LCOR: variants seen among roughly 807,000 people sequenced by gnomAD.
The protein encoded by LCOR is ligand dependent nuclear receptor corepressor.
In LCOR, 14 loss-of-function variants were observed where a neutral mutation model predicts 64.4. That is an observed-to-expected ratio of 0.22 (90% CI 0.14 to 0.34). LCOR has a LOEUF of 0.34. Among genes scored for constraint, LCOR ranks in the 10% least tolerant of loss-of-function variants. The pLI, the probability that LCOR is intolerant of heterozygous loss-of-function variation, is 1.00. For missense variants in LCOR, 1,686 were observed against 1,765.3 expected (o/e 0.96, Z 0.80); for synonymous variants, 643 against 642.5 (o/e 1.00, Z -0.01).
intron 4 of LCOR, among the ~76,000 whole-genome samples, chr10:96,942,240 G>A (rs1188731152): frequency 3.1e-3 from 472 of 151,720 alleles, no homozygotes; most frequent in African/African-American, 0.011. Context: ...AGGAGCTGGA[G>A]ACCAGCCCGG....
rs557142569 is a variant in LCOR at position 96,914,051 on chromosome 10, T to TA, written c.-184+6305dup. ...GATATGGTTGGAGCCAGATAATAGA[T>TA]ACCTTTCAGTGCCCAGCTAGCTCAG... On this transcript the variant is annotated intron_variant, in intron 4 of 7. Transcript: ENST00000421806. 4.2e-3 allele frequency among the ~76,000 whole-genome samples: 637 copies of TA among 152,356 alleles called. 3 individuals are homozygous for TA. The highest frequency in any genetic ancestry group is 0.019 in the South Asian group (93 of 4,828).
At chr10:96,899,771 A>G (rs2134444082) in intron 2 of LCOR, among the ~76,000 whole-genome samples, 1 of 152,214 alleles carries the variant, frequency 6.6e-6, no homozygotes, top group African/African-American at 2.4e-5. Context: ...AACTTAGTAA[A>G]ATTTCGGCTT....
intron 4 of LCOR, among the ~76,000 whole-genome samples, chr10:96,940,335 ATTG>A (rs1405159945): frequency 4.2e-3 from 98 of 23,128 alleles, no homozygotes; most frequent in African/African-American, 0.016. Context: ...TTTTTTTTTT[ATTG>A]ATCATTCTTG....
At chr10:96,941,395 G>A (rs1306835652) in intron 4 of LCOR, among the ~76,000 whole-genome samples, 9 of 145,682 alleles carry the variant, frequency 6.2e-5, no homozygotes, top group South Asian at 2.2e-4. Flanking sequence ...CGGACTGGGC[G>A]GCTGGCCGGG....
intron 4 of LCOR, among the ~76,000 whole-genome samples, chr10:96,911,495 G>A (rs1181399936): frequency 6.6e-6 from 1 of 152,116 alleles, no homozygotes; most frequent in Non-Finnish European, 1.5e-5. Context: ...TTCAGTTATG[G>A]GCAAAATTAC....
chr10:96,884,954 T>G (rs769548193), intron 2 of LCOR, among the ~76,000 whole-genome samples: 18 of 152,164 alleles, frequency 1.2e-4, no homozygotes, highest in Non-Finnish European at 2.2e-4. Context: ...ATGTGTGTGT[T>G]TGTTGGGGAG....
rs200454507 is a variant in LCOR, at chr10:96,966,024, AG to A, written c.332+13829del. On this transcript the variant is annotated intron_variant, in intron 7 of 7. Coordinates refer to ENST00000421806, the MANE Select transcript of LCOR (RefSeq NM_001346516.2). ...CAGTTGTTATAAAGGCCCTATTTAA[AG>A]AAAGGACTTTTTCTTTTAAACTGGA... Among the ~76,000 whole-genome samples, 7 of 152,218 alleles carry A rather than the reference AG, an allele frequency of 4.6e-5. No homozygotes were observed. In the East Asian group the frequency reaches 1.4e-3, roughly 29 times the overall value.
At position 96,851,113 on chromosome 10, in the gene LCOR, C is replaced by T. The variant is rs530433579; in HGVS notation, c.-330+17634C>T. Among the ~76,000 whole-genome samples the T allele has an allele frequency of 4.6e-5, 7 of 152,288 alleles. No individual in the cohort carries two copies. In the East Asian group the frequency reaches 1.2e-3, roughly 25 times the overall value. On this transcript the variant is annotated intron_variant, in intron 2 of 7. Transcript: ENST00000421806. ...TACGCTAACAGAAAGGCGTGGATCA[C>T]GAGGGACATCTTTTCTGATTGGTTT...
intron 4 of LCOR, among the ~76,000 whole-genome samples, chr10:96,930,639 A>C (rs1409735508): frequency 6.6e-6 from 1 of 152,184 alleles, no homozygotes; most frequent in Non-Finnish European, 1.5e-5. Flanking sequence ...TGTGGAGAAA[A>C]GCGTAGAGTA....
intron 6 of LCOR, among the ~76,000 whole-genome samples, chr10:96,949,744 C>G (rs887674924): frequency 2.0e-5 from 3 of 152,048 alleles, no homozygotes; most frequent in Admixed American, 2.0e-4. Flanking sequence ...AACATGTATT[C>G]GAATTTTGAG....
chr10:96,849,665 A>G (rs1845693387), intron 2 of LCOR, among the ~76,000 whole-genome samples: 1 of 152,160 alleles, frequency 6.6e-6, no homozygotes, highest in African/African-American at 2.4e-5. Flanking sequence ...CAGTTTATTC[A>G]GTGTCCCCAA....
At chr10:96,892,348 T>C (rs999793208) in intron 2 of LCOR, among the ~76,000 whole-genome samples, 7 of 152,286 alleles carry the variant, frequency 4.6e-5, no homozygotes, top group African/African-American at 1.7e-4. Context: ...CCTTTGTCTT[T>C]TTAAGTAGTT....
At chr10:96,929,017 A>G (rs947462794) in intron 4 of LCOR, among the ~76,000 whole-genome samples, 2 of 152,194 alleles carry the variant, frequency 1.3e-5, no homozygotes, top group Non-Finnish European at 2.9e-5. Flanking sequence ...ATATAAACAC[A>G]TGTGTTGTCA....
chr10:96,898,985 G>C (rs1008990102), intron 2 of LCOR, among the ~76,000 whole-genome samples: 2 of 152,114 alleles, frequency 1.3e-5, no homozygotes, highest in Admixed American at 6.5e-5. Flanking sequence ...AGGACTCAAT[G>C]ACCGGAATAC....
intron 4 of LCOR, among the ~76,000 whole-genome samples, chr10:96,911,157 G>C (rs1360155132): frequency 6.7e-6 from 1 of 148,292 alleles, no homozygotes; most frequent in African/African-American, 2.5e-5. Context: ...GGGTGCAGTG[G>C]TGTCATCTTG....
At chr10:96,911,558 A>G (rs1305349586) in intron 4 of LCOR, among the ~76,000 whole-genome samples, 1 of 152,254 alleles carries the variant, frequency 6.6e-6, no homozygotes, top group East Asian at 1.9e-4. Context: ...CAGTAGGAGC[A>G]GGAACATGGA....
intron 2 of LCOR, among the ~76,000 whole-genome samples, chr10:96,834,839 C>T (rs940662481): frequency 6.6e-6 from 1 of 152,142 alleles, no homozygotes; most frequent in African/African-American, 2.4e-5. Context: ...TTTTTTCAGT[C>T]ATTGCTAGTT....
intron 4 of LCOR, among the ~76,000 whole-genome samples, chr10:96,943,234 T>G (rs1020787306): frequency 6.6e-6 from 1 of 152,226 alleles, no homozygotes; most frequent in Non-Finnish European, 1.5e-5. Flanking sequence ...TAGCTGGGAT[T>G]GCAGGCACGT....
At position 96,832,362 on chromosome 10, in the gene LCOR, A is replaced by G; in HGVS notation, c.-441A>G. The G allele has an allele frequency of 1.0e-6, 1 of 984,874 alleles. No individual in the cohort carries two copies. Among genetic ancestry groups the G allele is most frequent in the East Asian group, 1.1e-4 (1 of 8,714 alleles). 61.0% of individuals were successfully genotyped at this position (984,874 alleles called of 1,614,324 possible). ...TTGAGAGACGCGGCTTTCGGCAAGA[A>G]CTGGATTCGTGGCGCCACAAGCTCA... On this transcript the variant is annotated 5_prime_UTR_variant, in exon 1 of 8. Coordinates refer to ENST00000421806, the MANE Select transcript of LCOR (RefSeq NM_001346516.2).
Sources: gnomAD v4.1 joint callset for allele counts (sites outside exome capture counted in the v4.1 genomes callset) on GRCh38, gnomAD v4.1.1 for gene constraint, MANE v1.5 for transcripts, NCBI Gene and HGNC (gene_info 2026-07-23, HGNC 2026-07-21) for gene names.